Variants in NEK10 observed in about 807,000 individuals in gnomAD.
NEK10 encodes serine/threonine-protein kinase Nek10.
Under a neutral mutation model 159.8 loss-of-function variants are expected in NEK10, and 122 were observed. The ratio of observed to expected loss-of-function variants is 0.76; its 90% CI spans 0.66 to 0.89. The LOEUF is 0.89. Ranked by LOEUF, NEK10 falls within the 40% of genes least tolerant of loss-of-function variation. NEK10 has a pLI of 0.00. For missense variants in NEK10, 1,342 were observed against 1,323.1 expected (o/e 1.01, Z -0.22); for synonymous variants, 466 against 457.1 (o/e 1.02, Z -0.25).
At position 27,147,442 on chromosome 3, in the gene NEK10, G is replaced by A. The variant is rs183463246; in HGVS notation, c.2870-5860C>T. On this transcript the variant is annotated intron_variant, in intron 30 of 35. Coordinates refer to ENST00000691995, the MANE Select transcript of NEK10 (RefSeq NM_001394966.1). ...AGATGCCCCTGCTACCCTAGCCTCC[G>A]GCAGAGTTTCTCACAGAATGGCAGG... Among the ~76,000 whole-genome samples, 30 of 152,314 alleles carry A rather than the reference G, an allele frequency of 2.0e-4. No individual in the cohort carries two copies. The East Asian group carries it at 4.4e-3, about 23-fold the overall frequency.
intron 22 of NEK10, among the ~76,000 whole-genome samples, chr3:27,282,559 T>TATATATATATATATATAC (rs1244802639): frequency 2.3e-5 from 2 of 86,902 alleles, no homozygotes; most frequent in African/African-American, 1.1e-4. Context: ...TATATATATA[T>TATATATATATATATATAC]ACATAACTGT....
At chr3:27,276,727 G>A (rs1433759295) in intron 22 of NEK10, among the ~76,000 whole-genome samples, 1 of 152,004 alleles carries the variant, frequency 6.6e-6, no homozygotes, top group Middle Eastern at 3.2e-3. Context: ...TCATTAACTG[G>A]CCGACAAATC....
intron 23 of NEK10, among the ~76,000 whole-genome samples, chr3:27,241,658 T>C (rs1954570278): frequency 6.6e-6 from 1 of 152,224 alleles, no homozygotes; most frequent in African/African-American, 2.4e-5. Flanking sequence ...CCCCTACTCT[T>C]TTATTCATGT....
At chr3:27,243,626 CTTAG>C (rs749435130) in intron 23 of NEK10, among the ~76,000 whole-genome samples, 3 of 152,064 alleles carry the variant, frequency 2.0e-5, no homozygotes, top group Non-Finnish European at 4.4e-5. Context: ...TTATAAAATT[CTTAG>C]TTAGTGCATA....
At chr3:27,174,603 C>G in intron 27 of NEK10, 47 bp downstream of exon 27, 1 of 1,595,914 alleles carries the variant, frequency 6.3e-7, no homozygotes, top group South Asian at 1.1e-5. Context: ...CATGTTGACA[C>G]ACTGCCACTA....
At chr3:27,257,683 ACT>A (rs926832349) in intron 22 of NEK10, among the ~76,000 whole-genome samples, 1 of 152,218 alleles carries the variant, frequency 6.6e-6, no homozygotes, top group African/African-American at 2.4e-5. Context: ...AAAAGACAGG[ACT>A]CAGGAACTGG....
chr3:27,271,425 A>C (rs748886498), intron 22 of NEK10, among the ~76,000 whole-genome samples: 19 of 152,296 alleles, frequency 1.2e-4, no homozygotes, highest in Middle Eastern at 3.4e-3. Flanking sequence ...AGCCCACTAT[A>C]ATTTTAGCAT....
At chr3:27,156,937 T>TATATATATAG (rs1945514029) in intron 30 of NEK10, among the ~76,000 whole-genome samples, 1 of 41,074 alleles carries the variant, frequency 2.4e-5, no homozygotes, top group Non-Finnish European at 4.9e-5. Context: ...CTGATATATA[T>TATATATATAG]ATATATATAT....
intron 5 of NEK10, among the ~76,000 whole-genome samples, chr3:27,340,666 T>C (rs1309537979): frequency 6.6e-6 from 1 of 152,178 alleles, no homozygotes; most frequent in Non-Finnish European, 1.5e-5. Context: ...GATATCATCT[T>C]ACCCCAGTTA....
chr3:27,347,133 A>T (rs1262638146), intron 3 of NEK10, among the ~76,000 whole-genome samples: 1 of 152,082 alleles, frequency 6.6e-6, no homozygotes, highest in East Asian at 1.9e-4. Flanking sequence ...TTTTCAGTAA[A>T]TTTTTCCATT....
At chr3:27,291,736 A>G (rs1320227744) in intron 16 of NEK10, 150 bp from the exon 17 acceptor site, 5 of 583,794 alleles carry the variant, frequency 8.6e-6, no homozygotes, top group Non-Finnish European at 1.5e-5. Context: ...TCTGCCTCCC[A>G]CGTTCACGCC....
At chr3:27,262,733 C>CT (rs1347557905) in intron 22 of NEK10, among the ~76,000 whole-genome samples, 2 of 152,164 alleles carry the variant, frequency 1.3e-5, no homozygotes, top group African/African-American at 4.8e-5. Flanking sequence ...AGCCATTCAT[C>CT]TAATTTTTTT....
chr3:27,287,772 T>A lies in NEK10; in HGVS notation c.1744-29A>T, dbSNP rs184429949. 9.4e-3 allele frequency: 14,099 copies of A among 1,502,572 alleles called. 122 individuals are homozygous for A. The highest frequency in any genetic ancestry group is 0.035 in the Middle Eastern group (201 of 5,680). The allele number at this position is 1,502,572 out of a possible 1,614,324, so 93.1% of individuals were successfully genotyped here. A position where few individuals can be genotyped will look rare whatever the true frequency, so the allele number is the denominator to read the frequency against. On this transcript the variant is annotated intron_variant, in intron 19 of 35. Coordinates refer to ENST00000691995, the MANE Select transcript of NEK10 (RefSeq NM_001394966.1). Reference sequence around the variant, plus strand: ...TAAGAAAATAAATAACAAACATGTATTGCACTGCTTCAAAATACAAGTTTT... The same window carrying A: ...TAAGAAAATAAATAACAAACATGTAATGCACTGCTTCAAAATACAAGTTTT...
intron 26 of NEK10, among the ~76,000 whole-genome samples, chr3:27,178,303 T>C (rs1947731926): frequency 6.6e-6 from 1 of 152,206 alleles, no homozygotes; most frequent in Admixed American, 6.5e-5. Flanking sequence ...GCATCTATTT[T>C]ATTAAAATCA....
chr3:27,292,596 G>T lies in NEK10; in HGVS notation c.1373+992C>A, dbSNP rs866087098. Among the ~76,000 whole-genome samples the T allele has an allele frequency of 3.9e-5, 6 of 152,142 alleles. No homozygotes were observed. The East Asian group carries it at 5.8e-4, about 15-fold the overall frequency. Reference sequence around the variant, plus strand: ...CGCCTGTAATCCCAACACTTTGGGAGGCCAAGGCGGGTGGATAACCTGAGG... The same window carrying T: ...CGCCTGTAATCCCAACACTTTGGGATGCCAAGGCGGGTGGATAACCTGAGG... On this transcript the variant is annotated intron_variant, in intron 16 of 35. Transcript: ENST00000691995.
intron 23 of NEK10, among the ~76,000 whole-genome samples, chr3:27,245,492 A>G (rs1954965199): frequency 6.6e-6 from 1 of 152,122 alleles, no homozygotes; most frequent in Non-Finnish European, 1.5e-5. Context: ...ATGTAAACGA[A>G]AGGCCACCTG....
Position 27,109,837 on chromosome 3 carries a change from A to G in NEK10, c.*1435T>C, listed in dbSNP as rs1316546662. On this transcript the variant is annotated 3_prime_UTR_variant, in exon 36 of 36. Coordinates refer to ENST00000691995, the MANE Select transcript of NEK10 (RefSeq NM_001394966.1). ...ATTTGCATCTATTATCTTACATTAC[A>G]GTGTATCTGTAATTGTTAATTTGGC... is the stretch of plus-strand genomic sequence containing the variant. Among the ~76,000 whole-genome samples, 1 of 152,208 alleles carries G rather than the reference A, an allele frequency of 6.6e-6. No individual in the cohort carries two copies. The highest frequency in any genetic ancestry group is 1.5e-5 in the Non-Finnish European group (1 of 68,034).
At chr3:27,134,606 G>C (rs1005117055) in intron 31 of NEK10, among the ~76,000 whole-genome samples, 2 of 152,152 alleles carry the variant, frequency 1.3e-5, no homozygotes, top group Non-Finnish European at 1.5e-5. Flanking sequence ...GAAGCCTCTA[G>C]TTAAGTTAGA....
At chr3:27,290,546 AC>A in intron 19 of NEK10, 70 bp downstream of exon 19, 1 of 1,125,798 alleles carries the variant, frequency 8.9e-7, no homozygotes, top group Non-Finnish European at 1.3e-6. Context: ...GGACAAGAGC[AC>A]CACAACTCTA....
Sources: allele counts gnomAD v4.1 joint callset (sites outside exome capture counted in the v4.1 genomes callset), GRCh38; gene constraint gnomAD v4.1.1; transcripts MANE v1.5; gene names NCBI Gene and HGNC (gene_info 2026-07-23, HGNC 2026-07-21).